Variants in ADARB2 observed in about 807,000 individuals in gnomAD.
ADARB2 encodes inactive double-stranded RNA-specific editase B2.
In ADARB2, 25 loss-of-function variants were observed where a neutral mutation model predicts 62.2. The ratio of observed to expected loss-of-function variants is 0.40; its 90% CI spans 0.29 to 0.56. The LOEUF is 0.56. Among genes scored for constraint, ADARB2 ranks in the 20% least tolerant of loss-of-function variants. The probability of loss-of-function intolerance (pLI) is 0.43; values close to 1 mark genes in which losing one functional copy is unlikely to be tolerated. For missense variants in ADARB2, 1,071 were observed against 1,077.4 expected, an observed-to-expected ratio of 0.99 and a Z score of 0.08; for synonymous variants, 572 against 500.8, an observed-to-expected ratio of 1.14 and a Z score of -1.90.
At chr10:1,245,366 G>C (rs1220592645) in intron 4 of ADARB2, among the ~76,000 whole-genome samples, 1 of 151,560 alleles carries the variant, frequency 6.6e-6, no homozygotes, top group Admixed American at 6.6e-5. Flanking sequence ...TTAAGTTTTA[G>C]GGTGCACATG....
chr10:1,588,200 C>T (rs1007727720), intron 1 of ADARB2, among the ~76,000 whole-genome samples: 1 of 152,186 alleles, frequency 6.6e-6, no homozygotes. Flanking sequence ...ACACCCTCTC[C>T]CCAATCCCTC....
intron 7 of ADARB2, among the ~76,000 whole-genome samples, chr10:1,211,628 G>A (rs982628602): frequency 1.3e-5 from 2 of 152,180 alleles, no homozygotes; most frequent in African/African-American, 2.4e-5. Flanking sequence ...GTCAGCTCTC[G>A]AAAGAAAGAA....
chr10:1,308,900 G>A (rs1831657867), intron 3 of ADARB2, among the ~76,000 whole-genome samples: 1 of 152,212 alleles, frequency 6.6e-6, no homozygotes, highest in Non-Finnish European at 1.5e-5. Flanking sequence ...TGTTGGAGAA[G>A]TGGTTTTCTA....
At chr10:1,466,079 G>A (rs899635753) in intron 1 of ADARB2, among the ~76,000 whole-genome samples, 1 of 152,220 alleles carries the variant, frequency 6.6e-6, no homozygotes, top group Admixed American at 6.5e-5. Flanking sequence ...AGCTAAACAC[G>A]ACCCAGGCAA....
chr10:1,626,775 C>T (rs2119037952), intron 1 of ADARB2, among the ~76,000 whole-genome samples: 1 of 152,342 alleles, frequency 6.6e-6, no homozygotes, highest in Admixed American at 6.5e-5. Flanking sequence ...CCCGCACGGT[C>T]TGAAGTGGCC....
chr10:1,714,935 T>C (rs112299516), intron 1 of ADARB2, among the ~76,000 whole-genome samples: 15,051 of 152,062 alleles, frequency 0.099, 1,047 homozygotes, highest in East Asian at 0.39. Context: ...ATGTGCCATG[T>C]TGGTGTGCTG....
At position 1,344,031 on chromosome 10, in the gene ADARB2, TA is replaced by T. The variant is rs369308755; in HGVS notation, c.1077+18996del. Among the ~76,000 whole-genome samples, 838 of 152,122 alleles carry T rather than the reference TA, an allele frequency of 5.5e-3. 11 individuals are homozygous for T. The highest frequency in any genetic ancestry group is 0.019 in the African/African-American group (799 of 41,496). ...GTACCCTTGAACCTAAAATAAGAGT[TA>T]AAAAAACTCAGGTTGTGCAGGAGGC... On this transcript the variant is annotated intron_variant, in intron 3 of 9. Transcript: ENST00000381312.
At chr10:1,460,634 C>T (rs1831160547) in intron 1 of ADARB2, among the ~76,000 whole-genome samples, 4 of 120,224 alleles carry the variant, frequency 3.3e-5, no homozygotes, top group Non-Finnish European at 5.2e-5. Context: ...AGCAAACCTG[C>T]CTGTGACCTG....
At chr10:1,389,794 A>T (rs942614664) in intron 1 of ADARB2, among the ~76,000 whole-genome samples, 1 of 150,098 alleles carries the variant, frequency 6.7e-6, no homozygotes, top group African/African-American at 2.5e-5. Flanking sequence ...TAATAAATAA[A>T]AAATAAAGGC....
At chr10:1,675,317 A>G (rs1317421003) in intron 1 of ADARB2, 21 of 945,778 alleles carry the variant, frequency 2.2e-5, no homozygotes, top group African/African-American at 6.8e-5. Flanking sequence ...GGGTTCGGGG[A>G]TGCATGAATG....
intron 3 of ADARB2, among the ~76,000 whole-genome samples, chr10:1,332,628 A>T (rs1351327661): frequency 1.3e-5 from 2 of 152,154 alleles, no homozygotes; most frequent in African/African-American, 4.8e-5. Context: ...CTGACCTCAG[A>T]GGAGAGACAC....
At chr10:1,725,621 A>G (rs1280706991) in intron 1 of ADARB2, among the ~76,000 whole-genome samples, 5 of 152,050 alleles carry the variant, frequency 3.3e-5, no homozygotes, top group Admixed American at 6.5e-5. Flanking sequence ...TTACCCACCC[A>G]CCCGGGGCAA....
intron 1 of ADARB2, among the ~76,000 whole-genome samples, chr10:1,664,011 A>C (rs1253451437): frequency 2.0e-5 from 3 of 152,156 alleles, no homozygotes; most frequent in East Asian, 3.9e-4. Context: ...GCTGCTGCCG[A>C]GTTTTGGCAA....
chr10:1,214,695 A>G (rs183615337), intron 7 of ADARB2, among the ~76,000 whole-genome samples: 53 of 152,404 alleles, frequency 3.5e-4, no homozygotes, highest in Admixed American at 5.9e-4. Flanking sequence ...TAGAAACCCA[A>G]TGCTATCTTA....
intron 1 of ADARB2, among the ~76,000 whole-genome samples, chr10:1,665,501 G>A (rs1588344479): frequency 1.3e-5 from 2 of 152,350 alleles, no homozygotes; most frequent in South Asian, 4.2e-4. Flanking sequence ...CGGGGCACCC[G>A]AGGCCCAGAG....
chr10:1,626,947 A>G (rs1457038779), intron 1 of ADARB2, among the ~76,000 whole-genome samples: 1 of 151,734 alleles, frequency 6.6e-6, no homozygotes, highest in African/African-American at 2.4e-5. Context: ...CCTTCCTCCT[A>G]AGAATCCCTC....
At chr10:1,537,715 G>T (rs1209419087) in intron 1 of ADARB2, among the ~76,000 whole-genome samples, 1 of 152,168 alleles carries the variant, frequency 6.6e-6, no homozygotes, top group Non-Finnish European at 1.5e-5. Flanking sequence ...CACAGGAACA[G>T]AAAACCAAAC....
chr10:1,526,755 C>T lies in ADARB2; in HGVS notation c.101-147595G>A, dbSNP rs61745914. The T allele has an allele frequency of 9.8e-3, 4,325 of 440,662 alleles. 113 individuals carry two copies. The highest frequency in any genetic ancestry group is 0.067 in the African/African-American group (3,273 of 48,942). The allele number at this position is 440,662 out of a possible 1,614,324, so 27.3% of individuals were successfully genotyped here. Reference sequence around the variant, plus strand: ...GGGTGTTCCTTTCTAGCAACACACACGGACTGAGCCGGATGACATGAAGCA... The same window carrying T: ...GGGTGTTCCTTTCTAGCAACACACATGGACTGAGCCGGATGACATGAAGCA... On this transcript the variant is annotated intron_variant, in intron 1 of 9. Transcript: ENST00000381312.
In ADARB2 at chr10:1,723,793, A is replaced by C. The variant is rs148443400; in HGVS notation, c.100+13258T>G. ...CCCTGTTAGAGGGCACCACGTGGCAAAGACATCAAGGGGAACCTAATCAGA... is the reference window on the plus strand; with the variant it reads ...CCCTGTTAGAGGGCACCACGTGGCACAGACATCAAGGGGAACCTAATCAGA... On this transcript the variant is annotated intron_variant, in intron 1 of 9. Coordinates refer to ENST00000381312, the MANE Select transcript of ADARB2 (RefSeq NM_018702.4). 1.4e-4 allele frequency among the ~76,000 whole-genome samples: 22 copies of C among 152,300 alleles called. No individual in the cohort carries two copies. The East Asian group carries it at 4.1e-3, about 28-fold the overall frequency.
Sources: allele counts gnomAD v4.1 joint callset (sites outside exome capture counted in the v4.1 genomes callset), GRCh38; gene constraint gnomAD v4.1.1; transcripts MANE v1.5; gene names NCBI Gene and HGNC (gene_info 2026-07-23, HGNC 2026-07-21).